Variants in SDK1 observed in about 807,000 individuals in gnomAD.
SDK1 encodes protein sidekick-1.
Under a neutral mutation model 245.5 loss-of-function variants are expected in SDK1, and 157 were observed. The observed-to-expected ratio is 0.64, with a 90% CI of 0.56 to 0.73. The LOEUF (loss-of-function observed/expected upper bound fraction) is 0.73. Among genes scored for constraint, SDK1 ranks in the 30% least tolerant of loss-of-function variants. The probability of loss-of-function intolerance (pLI) is 0.00; values close to 1 mark genes in which losing one functional copy is unlikely to be tolerated. For missense variants in SDK1, 3,583 were observed against 3,002.3 expected, an observed-to-expected ratio of 1.19 and a Z score of -4.52; for synonymous variants, 1,647 against 1,278.5, an observed-to-expected ratio of 1.29 and a Z score of -6.15.
At chr7:3,560,988 T>C (rs1203213784) in intron 1 of SDK1, among the ~76,000 whole-genome samples, 3 of 152,202 alleles carry the variant, frequency 2.0e-5, no homozygotes, top group Admixed American at 1.3e-4. Flanking sequence ...ATAAGGTCCT[T>C]TCTCACATTT....
At chr7:3,920,827 C>T (rs1277791949) in intron 5 of SDK1, among the ~76,000 whole-genome samples, 2 of 152,040 alleles carry the variant, frequency 1.3e-5, no homozygotes, top group Non-Finnish European at 2.9e-5. Flanking sequence ...AGTGACTGCT[C>T]GGAGGTTATT....
At chr7:3,884,752 AG>A (rs1399708338) in intron 5 of SDK1, among the ~76,000 whole-genome samples, 1 of 152,216 alleles carries the variant, frequency 6.6e-6, no homozygotes, top group Non-Finnish European at 1.5e-5. Flanking sequence ...AAGCGTGGTT[AG>A]ATCTCTATAA....
chr7:4,016,846 C>T (rs1205865677), intron 16 of SDK1, among the ~76,000 whole-genome samples: 2 of 152,142 alleles, frequency 1.3e-5, no homozygotes, highest in Admixed American at 6.5e-5. Flanking sequence ...CAGCAACTCC[C>T]CGATGGAAAT....
rs1785583959 is a variant in SDK1 at position 4,007,583 on chromosome 7, A to G, written c.2132-3383A>G. Among the ~76,000 whole-genome samples the G allele has an allele frequency of 2.0e-5, 3 of 151,974 alleles. No individual in the cohort carries two copies. In the South Asian group the frequency reaches 6.2e-4, roughly 32 times the overall value. ...CGGGGAGTCTTGGGGGTTATATATT[A>G]TCACCCCATCTTTTCATTATTTCCT... On this transcript the variant is annotated intron_variant, in intron 14 of 44. Coordinates refer to ENST00000404826, the MANE Select transcript of SDK1 (RefSeq NM_152744.4).
intron 44 of SDK1, among the ~76,000 whole-genome samples, chr7:4,258,726 A>G (rs1160678448): frequency 6.6e-6 from 1 of 152,086 alleles, no homozygotes; most frequent in African/African-American, 2.4e-5. Flanking sequence ...GTTTTTCCCC[A>G]CTAGGATCCC....
chr7:4,043,038 G>C (rs528373613), intron 17 of SDK1, among the ~76,000 whole-genome samples: 7 of 152,346 alleles, frequency 4.6e-5, no homozygotes, highest in South Asian at 2.1e-4. Context: ...TCCTGTGACT[G>C]GGGAAGGAGA....
At chr7:3,648,092 T>C (rs1200786510) in intron 4 of SDK1, among the ~76,000 whole-genome samples, 8 of 152,248 alleles carry the variant, frequency 5.3e-5, no homozygotes, top group Admixed American at 2.0e-4. Context: ...ATATCAAAGA[T>C]GAGCTTAGCT....
chr7:3,955,872 G>T (rs1781219538), intron 7 of SDK1, among the ~76,000 whole-genome samples: 1 of 152,166 alleles, frequency 6.6e-6, no homozygotes, highest in East Asian at 1.9e-4. Context: ...CCCTTGGTTT[G>T]GGGGCAGTCT....
intron 1 of SDK1, among the ~76,000 whole-genome samples, chr7:3,618,581 G>T (rs73039617): frequency 3.3e-5 from 5 of 152,342 alleles, no homozygotes; most frequent in African/African-American, 4.8e-5. Context: ...AAGTCACCAG[G>T]AGAGACCATT....
intron 1 of SDK1, among the ~76,000 whole-genome samples, chr7:3,493,055 A>G (rs575648165): frequency 1.3e-5 from 2 of 152,174 alleles, no homozygotes; most frequent in Admixed American, 1.3e-4. Context: ...GGTTCACACC[A>G]TTCTCCTGCC....
At chr7:3,595,353 C>T (rs1311697762) in intron 1 of SDK1, among the ~76,000 whole-genome samples, 2 of 151,892 alleles carry the variant, frequency 1.3e-5, no homozygotes, top group African/African-American at 4.8e-5. Flanking sequence ...TAAATGTCCC[C>T]TGCATGAAAT....
chr7:3,474,244 C>G (rs73296781), intron 1 of SDK1, among the ~76,000 whole-genome samples: 1 of 150,874 alleles, frequency 6.6e-6, no homozygotes, highest in Non-Finnish European at 1.5e-5. Context: ...TGGTGGCGTG[C>G]GCCACCACGA....
intron 14 of SDK1, among the ~76,000 whole-genome samples, chr7:3,995,461 C>T (rs549137879): frequency 3.4e-4 from 52 of 152,146 alleles, no homozygotes; most frequent in Non-Finnish European, 6.8e-4. Flanking sequence ...CCCATCCCCT[C>T]CCCTGGGGGC....
chr7:3,432,186 C>T, intron 1 of SDK1, among the ~76,000 whole-genome samples: 1 of 148,082 alleles, frequency 6.8e-6, no homozygotes, highest in East Asian at 2.0e-4. Flanking sequence ...TATCCCCATA[C>T]CTGAAGATTT....
At chr7:3,380,871 C>T (rs776067151) in intron 1 of SDK1, among the ~76,000 whole-genome samples, 2 of 152,220 alleles carry the variant, frequency 1.3e-5, no homozygotes, top group South Asian at 2.1e-4. Flanking sequence ...ATTAGACTTC[C>T]GTTTATATTT....
chr7:3,815,940 C>G (rs1035243886), intron 4 of SDK1, among the ~76,000 whole-genome samples: 3 of 143,432 alleles, frequency 2.1e-5, no homozygotes, highest in African/African-American at 8.3e-5. Context: ...GATTAAGAAT[C>G]TCACTCAAAG....
chr7:3,801,468 C>T (rs947381299), intron 4 of SDK1, among the ~76,000 whole-genome samples: 25 of 152,104 alleles, frequency 1.6e-4, no homozygotes, highest in African/African-American at 5.6e-4. Flanking sequence ...TGAGTTCTTA[C>T]GGCTACATTT....
chr7:3,903,336 G>A (rs1781855603), intron 5 of SDK1, among the ~76,000 whole-genome samples: 2 of 152,010 alleles, frequency 1.3e-5, no homozygotes, highest in South Asian at 2.1e-4. Flanking sequence ...GTAGAGACGA[G>A]GTTTCACCGT....
intron 4 of SDK1, among the ~76,000 whole-genome samples, chr7:3,749,160 G>T (rs1212245267): frequency 2.0e-5 from 3 of 151,844 alleles, no homozygotes; most frequent in Non-Finnish European, 4.4e-5. Flanking sequence ...CTTTTGAGAG[G>T]GAGTCTCGCT....
Sources: allele counts gnomAD v4.1 joint callset (sites outside exome capture counted in the v4.1 genomes callset), GRCh38; gene constraint gnomAD v4.1.1; transcripts MANE v1.5; gene names NCBI Gene and HGNC (gene_info 2026-07-23, HGNC 2026-07-21).